GPC5: variants seen among roughly 807,000 people sequenced by gnomAD.
The protein encoded by GPC5 is glypican-5.
GPC5 carries 47 observed loss-of-function variants against 53.9 expected under a neutral mutation model. That is an observed-to-expected ratio of 0.87 (90% CI 0.69 to 1.11). GPC5 has a LOEUF of 1.11. Ranked by LOEUF, GPC5 falls within the 50% of genes most tolerant of loss-of-function variation. The pLI is 0.00. For synonymous variants in GPC5, 286 were observed against 263.3 expected (o/e 1.09, Z -0.84); for missense variants, 748 against 713.1 (o/e 1.05, Z -0.56).
intron 7 of GPC5, among the ~76,000 whole-genome samples, chr13:92,408,492 A>G (rs1276192873): frequency 2.6e-5 from 4 of 152,016 alleles, no homozygotes; most frequent in Non-Finnish European, 5.9e-5. Context: ...TATATATTTA[A>G]GTCATCTGTA....
intron 2 of GPC5, among the ~76,000 whole-genome samples, chr13:91,503,539 C>T (rs543812749): frequency 6.6e-5 from 10 of 151,764 alleles, no homozygotes; most frequent in Admixed American, 2.0e-4. Context: ...CCTAGCATTT[C>T]GGGAGGCTGA....
rs572416830 is a variant in GPC5 at position 92,079,749 on chromosome 13, C to G, written c.1402-65081C>G. 1.4e-4 allele frequency among the ~76,000 whole-genome samples: 21 copies of G among 152,302 alleles called. No homozygotes were observed. In the East Asian group the frequency reaches 3.9e-3, roughly 28 times the overall value. On this transcript the variant is annotated intron_variant, in intron 6 of 7. Transcript: ENST00000377067. ...ATAACATTTAATTAATCAGTTCTTG[C>G]CATTCATTTCTTTGCAGTAGCAATT...
intron 6 of GPC5, among the ~76,000 whole-genome samples, chr13:92,081,931 T>C (rs1594755955): frequency 6.6e-6 from 1 of 152,112 alleles, no homozygotes; most frequent in South Asian, 2.1e-4. Context: ...AGAAAATATA[T>C]GAAAGTAGAC....
At chr13:92,535,793 C>A (rs780452894) in intron 7 of GPC5, among the ~76,000 whole-genome samples, 66 of 152,018 alleles carry the variant, frequency 4.3e-4, no homozygotes, top group Non-Finnish European at 6.9e-4. Flanking sequence ...ACACCACATT[C>A]CCTTGCACTT....
Position 92,144,847 on chromosome 13 carries a change from A to T in GPC5, c.1419A>T (p.Ser473=), listed in dbSNP as rs778847156. 4.3e-6 allele frequency: 7 copies of T among 1,611,350 alleles called. No homozygotes were observed. In the East Asian group the frequency reaches 1.6e-4, roughly 36 times the overall value. Residue 473 remains serine (S), a synonymous_variant, in exon 7 of 8, where the codon TCA becomes TCT. Coordinates refer to ENST00000377067, the MANE Select transcript of GPC5 (RefSeq NM_004466.6). ...ACAATTAGTTGTTACAGGGTAGATC[A>T]CCCAAACCTGACAAGTGGGAACTTC... ...KHVVQLLQGR[S]PKPDKWELLQ...
intron 7 of GPC5, among the ~76,000 whole-genome samples, chr13:92,602,049 A>G (rs1884075527): frequency 6.6e-6 from 1 of 150,718 alleles, no homozygotes; most frequent in Admixed American, 6.6e-5. Flanking sequence ...TGCCTTGAAA[A>G]TAATTGTTGG....
At chr13:91,745,162 G>T (rs2037020477) in intron 4 of GPC5, among the ~76,000 whole-genome samples, 1 of 152,026 alleles carries the variant, frequency 6.6e-6, no homozygotes, top group Non-Finnish European at 1.5e-5. Flanking sequence ...TACAACAGGG[G>T]AAAACGATGT....
intron 7 of GPC5, among the ~76,000 whole-genome samples, chr13:92,646,796 T>C (rs925819481): frequency 2.2e-4 from 27 of 123,772 alleles, no homozygotes; most frequent in South Asian, 1.7e-3. Context: ...AATGGTATTA[T>C]GTTTTTTAAT....
chr13:92,397,980 A>C (rs1270565224), intron 7 of GPC5, among the ~76,000 whole-genome samples: 1 of 152,176 alleles, frequency 6.6e-6, no homozygotes, highest in Non-Finnish European at 1.5e-5. Flanking sequence ...CATTTCAGCT[A>C]GTTGTTCAGG....
intron 6 of GPC5, among the ~76,000 whole-genome samples, chr13:91,957,739 C>G (rs1303690746): frequency 6.6e-6 from 1 of 151,966 alleles, no homozygotes; most frequent in African/African-American, 2.4e-5. Flanking sequence ...CCCAGACATA[C>G]AAAAGCTGAG....
intron 2 of GPC5, among the ~76,000 whole-genome samples, chr13:91,684,924 A>G (rs2035589125): frequency 6.6e-6 from 1 of 152,140 alleles, no homozygotes; most frequent in Non-Finnish European, 1.5e-5. Flanking sequence ...CTGTTTTTGC[A>G]TAGTCAGCAA....
intron 2 of GPC5, among the ~76,000 whole-genome samples, chr13:91,603,446 C>T (rs1170727912): frequency 6.6e-6 from 1 of 152,176 alleles, no homozygotes; most frequent in Admixed American, 6.5e-5. Flanking sequence ...GTGCAGTCCA[C>T]GGTTAGTGGC....
intron 7 of GPC5, among the ~76,000 whole-genome samples, chr13:92,615,661 G>T (rs1217585506): frequency 6.6e-6 from 1 of 152,098 alleles, no homozygotes; most frequent in African/African-American, 2.4e-5. Flanking sequence ...ACTTCTTATG[G>T]TCTTAAATAT....
chr13:91,466,027 G>A (rs568443301), intron 2 of GPC5, among the ~76,000 whole-genome samples: 1 of 152,186 alleles, frequency 6.6e-6, no homozygotes, highest in South Asian at 2.1e-4. Flanking sequence ...ACTGTGATGG[G>A]TCCCCCACCA....
chr13:91,869,792 G>A (rs901080380), intron 5 of GPC5, among the ~76,000 whole-genome samples: 7 of 152,098 alleles, frequency 4.6e-5, no homozygotes, highest in South Asian at 2.1e-4. Context: ...TAATTGTAGC[G>A]GAAGGTGAGG....
intron 5 of GPC5, among the ~76,000 whole-genome samples, chr13:91,904,210 A>C (rs1212258681): frequency 8.1e-6 from 1 of 123,222 alleles, no homozygotes; most frequent in Non-Finnish European, 1.6e-5. Flanking sequence ...TGAGTTTTAT[A>C]CTCATGGTCA....
In GPC5 at chr13:92,613,340, AT is replaced by A. The variant is rs569443327; in HGVS notation, c.1562-252939del. Among the ~76,000 whole-genome samples, 836 of 104,580 alleles carry A rather than the reference AT, an allele frequency of 8.0e-3. 21 individuals carry two copies. Among genetic ancestry groups the A allele is most frequent in the African/African-American group, 0.03 (776 of 25,658 alleles). 68.6% of individuals were successfully genotyped at this position (104,580 alleles called of 152,430 possible). On this transcript the variant is annotated intron_variant, in intron 7 of 7. Coordinates refer to ENST00000377067, the MANE Select transcript of GPC5 (RefSeq NM_004466.6). ...AATAAATATTTATATAATATAATATATTTATATATAAATATATAATATATTT... is the reference window on the plus strand; with the variant it reads ...AATAAATATTTATATAATATAATATATTATATATAAATATATAATATATTT...
chr13:92,857,378 T>C (rs1343227022), intron 7 of GPC5, among the ~76,000 whole-genome samples: 7 of 152,034 alleles, frequency 4.6e-5, no homozygotes, highest in South Asian at 2.1e-4. Context: ...GAAGAAAACA[T>C]AGGAAATACC....
At chr13:92,507,191 A>G (rs1460601861) in intron 7 of GPC5, among the ~76,000 whole-genome samples, 1 of 152,158 alleles carries the variant, frequency 6.6e-6, no homozygotes, top group Non-Finnish European at 1.5e-5. Flanking sequence ...TGAAAGATCA[A>G]CTACTTACTC....
Sources: gnomAD v4.1 joint callset for allele counts (sites outside exome capture counted in the v4.1 genomes callset) on GRCh38, gnomAD v4.1.1 for gene constraint, MANE v1.5 for transcripts, NCBI Gene and HGNC (gene_info 2026-07-23, HGNC 2026-07-21) for gene names.